The following DCAF8L2 variants were observed in gnomAD, a reference collection of about 807,000 sequenced individuals.
DCAF8L2 encodes DDB1 and CUL4 associated factor 8 like 2.
For synonymous variants in DCAF8L2, 200 were observed against 190.9 expected (o/e 1.05, Z -0.39); for missense variants, 430 against 490.7 (o/e 0.88, Z 1.17).
chrX:27,485,815 G>A, the DCAF8L2 span, among the ~76,000 whole-genome samples: 1 of 109,435 alleles, frequency 9.1e-6, no homozygotes, highest in South Asian at 4.0e-4. Context: ...TGGGCAATTA[G>A]GAAATATTAC....
intron 2 of DCAF8L2, among the ~76,000 whole-genome samples, chrX:27,652,640 G>A (rs1434635333): frequency 3.1e-4 from 35 of 112,057 alleles, no homozygotes; most frequent in Non-Finnish European, 3.8e-5. Context: ...TTACTAACAT[G>A]TCATGCTAAT....
chrX:27,527,245 T>C, the DCAF8L2 span, among the ~76,000 whole-genome samples: 1 of 111,938 alleles, frequency 8.9e-6, no homozygotes, highest in African/African-American at 3.2e-5. Context: ...TCCCCCAGCC[T>C]CGCTGCCACC....
At chrX:27,598,365 C>A (rs113867686) in intron 1 of DCAF8L2, among the ~76,000 whole-genome samples, 6 of 112,335 alleles carry the variant, frequency 5.3e-5, no homozygotes, top group Admixed American at 1.9e-4. Flanking sequence ...CCCAACCCCC[C>A]CGAGGGGATG....
chrX:27,591,034 T>A (rs1165093639), intron 1 of DCAF8L2, among the ~76,000 whole-genome samples: 4 of 91,735 alleles, frequency 4.4e-5, no homozygotes, highest in African/African-American at 1.5e-4. Context: ...ATTTGATAGG[T>A]TACATTACAT....
At chrX:27,528,117 T>G in the DCAF8L2 span, among the ~76,000 whole-genome samples, 1 of 106,226 alleles carries the variant, frequency 9.4e-6, no homozygotes, top group Non-Finnish European at 1.9e-5. Flanking sequence ...ATTTAATTAA[T>G]TATTAAATTA....
intron 2 of DCAF8L2, chrX:27,676,807 C>A (rs954673307): frequency 1.8e-4 from 20 of 111,770 alleles, no homozygotes; most frequent in African/African-American, 6.2e-4. Context: ...TCTATTTCAA[C>A]AAATTGAGAC....
At chrX:27,718,819 G>A (rs193133089) in intron 4 of DCAF8L2, among the ~76,000 whole-genome samples, 21 of 111,378 alleles carry the variant, frequency 1.9e-4, no homozygotes, top group Admixed American at 1.3e-3. Flanking sequence ...CTGGTTCTTC[G>A]GACTTCAGAC....
the DCAF8L2 span, among the ~76,000 whole-genome samples, chrX:27,554,966 A>T: frequency 9.0e-6 from 1 of 111,643 alleles, no homozygotes; most frequent in African/African-American, 3.3e-5. Context: ...TTCTGTTTAT[A>T]TCTATGGCCA....
At chrX:27,557,344 T>C in the DCAF8L2 span, among the ~76,000 whole-genome samples, 1 of 112,271 alleles carries the variant, frequency 8.9e-6, no homozygotes, top group Non-Finnish European at 1.9e-5. Flanking sequence ...TTTAGCTTGG[T>C]AATATGTTAA....
chrX:27,724,733 A>T (rs1431368553), intron 4 of DCAF8L2, among the ~76,000 whole-genome samples: 2 of 111,500 alleles, frequency 1.8e-5, no homozygotes, highest in Non-Finnish European at 3.8e-5. Flanking sequence ...TCTCCAAGTA[A>T]CAGATTTATA....
At chrX:27,566,154 G>C in the DCAF8L2 span, among the ~76,000 whole-genome samples, 1 of 107,905 alleles carries the variant, frequency 9.3e-6, no homozygotes, top group Non-Finnish European at 1.9e-5. Flanking sequence ...TCTTATCTGA[G>C]TATGCCCAAA....
At chrX:27,617,476 T>C (rs1301496115) in intron 1 of DCAF8L2, among the ~76,000 whole-genome samples, 1 of 111,219 alleles carries the variant, frequency 9.0e-6, no homozygotes, top group Non-Finnish European at 1.9e-5. Context: ...TTAAAAGCTA[T>C]GAAATGAATC....
chrX:27,619,415 G>GAC (rs1222705456), intron 1 of DCAF8L2, among the ~76,000 whole-genome samples: 1 of 110,628 alleles, frequency 9.0e-6, no homozygotes, highest in Non-Finnish European at 1.9e-5. Context: ...GAGAGAGAGA[G>GAC]AGACAGACAG....
chrX:27,530,994 A>G, the DCAF8L2 span, among the ~76,000 whole-genome samples: 1 of 111,465 alleles, frequency 9.0e-6, no homozygotes, highest in Non-Finnish European at 1.9e-5. Context: ...CGTAAACAAG[A>G]ACCAAAATTT....
At chrX:27,549,457 T>A in the DCAF8L2 span, among the ~76,000 whole-genome samples, 1 of 111,728 alleles carries the variant, frequency 9.0e-6, no homozygotes, top group Non-Finnish European at 1.9e-5. Flanking sequence ...AAACTTTAAA[T>A]AAGGAAATGT....
chrX:27,585,804 CT>C (rs1443830336), upstream of DCAF8L2, among the ~76,000 whole-genome samples: 2 of 111,368 alleles, frequency 1.8e-5, no homozygotes, highest in African/African-American at 6.5e-5. Flanking sequence ...TTAAATGGTC[CT>C]TGTGGTTCTT....
At chrX:27,620,098 C>A (rs1178526882) in intron 1 of DCAF8L2, among the ~76,000 whole-genome samples, 1 of 111,361 alleles carries the variant, frequency 9.0e-6, no homozygotes, top group Non-Finnish European at 1.9e-5. Flanking sequence ...TAAATTCAAG[C>A]TAATTGACAA....
At chrX:27,546,283 C>T in the DCAF8L2 span, among the ~76,000 whole-genome samples, 4 of 112,035 alleles carry the variant, frequency 3.6e-5, no homozygotes, top group Non-Finnish European at 7.5e-5. Flanking sequence ...AAGAGGTGGG[C>T]ATGCATGGTC....
At position 27,748,062 on chromosome X, in the gene DCAF8L2, G is replaced by C. The variant is rs746428763; in HGVS notation, c.1167G>C (p.Gln389His). 2 of 1,212,118 alleles carry C rather than the reference G, an allele frequency of 1.7e-6. No individual in the cohort carries two copies. The highest frequency in any genetic ancestry group is 2.2e-6 in the Non-Finnish European group (2 of 895,616). ...AATTTGCAGTGGGTGGACAAGATCA[G>C]TTTGTAAGGATTTATGACCAGAGGA... The part of the protein sequence containing the change: ...TYQFAVGGQD[Q>H]FVRIYDQRKI... The change falls in exon 5 of 5, where the codon CAG becomes CAC. Residue 389 changes from glutamine to histidine, a missense_variant. Transcript: ENST00000451261.
Sources: allele counts gnomAD v4.1 joint callset (sites outside exome capture counted in the v4.1 genomes callset), GRCh38; gene constraint gnomAD v4.1.1; transcripts MANE v1.5; gene names NCBI Gene and HGNC (gene_info 2026-07-23, HGNC 2026-07-21).